Variants in RIGI observed in about 807,000 individuals in gnomAD.
RIGI encodes antiviral innate immune response receptor RIG-I.
the RIGI span, among the ~76,000 whole-genome samples, chr9:32,517,786 T>G: frequency 6.6e-6 from 1 of 152,202 alleles, no homozygotes; most frequent in African/African-American, 2.4e-5. Flanking sequence ...GTTATTTAGG[T>G]GAACACCTGA....
the RIGI span, among the ~76,000 whole-genome samples, chr9:32,478,041 G>GTTTTTTTTT: frequency 6.6e-6 from 1 of 151,364 alleles, no homozygotes; most frequent in African/African-American, 2.5e-5. Flanking sequence ...TGTTTTATCG[G>GTTTTTTTTT]TTTTTGTTTT....
the RIGI span, chr9:32,492,564 G>T: frequency 6.2e-7 from 1 of 1,612,144 alleles, no homozygotes; most frequent in South Asian, 1.1e-5. Context: ...GTAGTTTATT[G>T]ATCAATTATC....
At chr9:32,514,392 G>A in the RIGI span, among the ~76,000 whole-genome samples, 1 of 152,136 alleles carries the variant, frequency 6.6e-6, no homozygotes, top group Non-Finnish European at 1.5e-5. Flanking sequence ...ATACTACGCA[G>A]CCATAAAAAA....
the RIGI span, among the ~76,000 whole-genome samples, chr9:32,520,937 C>T: frequency 6.6e-6 from 1 of 151,628 alleles, no homozygotes; most frequent in Non-Finnish European, 1.5e-5. Context: ...GCTGAGGCCA[C>T]GAGTTGGAGA....
At chr9:32,521,636 C>G in the RIGI span, among the ~76,000 whole-genome samples, 1 of 152,104 alleles carries the variant, frequency 6.6e-6, no homozygotes, top group East Asian at 1.9e-4. Flanking sequence ...AATTCCAATA[C>G]AGACAGACAT....
chr9:32,463,966 A>G, the RIGI span, among the ~76,000 whole-genome samples: 4 of 150,186 alleles, frequency 2.7e-5, no homozygotes, highest in South Asian at 4.3e-4. Flanking sequence ...CAAATCCTGA[A>G]GCGTCCACCA....
At chr9:32,495,520 A>C in the RIGI span, among the ~76,000 whole-genome samples, 33 of 127,120 alleles carry the variant, frequency 2.6e-4, no homozygotes, top group African/African-American at 8.9e-4. Context: ...TTTTTATAGA[A>C]GCCATTGTAA....
chr9:32,485,387 A>C, the RIGI span: 1 of 771,520 alleles, frequency 1.3e-6, no homozygotes, highest in African/African-American at 1.7e-5. Context: ...TCTGCCTTTG[A>C]TACTTCCTCT....
chr9:32,468,581 A>C, the RIGI span, among the ~76,000 whole-genome samples: 1 of 152,026 alleles, frequency 6.6e-6, no homozygotes, highest in Non-Finnish European at 1.5e-5. Flanking sequence ...TAAGAGAATC[A>C]CCTGAGCTGG....
At chr9:32,501,713 T>C in the RIGI span, among the ~76,000 whole-genome samples, 2 of 152,176 alleles carry the variant, frequency 1.3e-5, no homozygotes, top group African/African-American at 4.8e-5. Flanking sequence ...GGAATGCAAA[T>C]TCCAAGGGAG....
At chr9:32,477,727 C>A in the RIGI span, among the ~76,000 whole-genome samples, 3,712 of 152,072 alleles carry the variant, frequency 0.024, 164 homozygotes, top group African/African-American at 0.086. Context: ...GGGTTCAAGA[C>A]CAGACTGGTC....
chr9:32,462,384 A>T, the RIGI span, among the ~76,000 whole-genome samples: 10 of 147,850 alleles, frequency 6.8e-5, no homozygotes, highest in East Asian at 1.8e-3. Context: ...TGCTTTATAT[A>T]AAAAAAAAAT....
the RIGI span, among the ~76,000 whole-genome samples, chr9:32,520,733 C>T: frequency 2.6e-5 from 4 of 152,162 alleles, no homozygotes; most frequent in African/African-American, 7.2e-5. Flanking sequence ...GTCTGGGCCC[C>T]TGTGTCATAA....
At chr9:32,470,366 A>C in the RIGI span, among the ~76,000 whole-genome samples, 3 of 152,364 alleles carry the variant, frequency 2.0e-5, no homozygotes, top group African/African-American at 7.2e-5. Context: ...ATGCTGTCTC[A>C]GCTACCCAAC....
the RIGI span, chr9:32,456,889 G>A: frequency 2.1e-6 from 1 of 475,420 alleles, no homozygotes; most frequent in East Asian, 3.6e-5. Context: ...GGCTAGAAAT[G>A]AGGCTTTTTA....
At chr9:32,494,976 C>T in the RIGI span, among the ~76,000 whole-genome samples, 3 of 152,170 alleles carry the variant, frequency 2.0e-5, no homozygotes, top group East Asian at 5.8e-4. Context: ...AATAATGCTA[C>T]TATCAACATG....
the RIGI span, among the ~76,000 whole-genome samples, chr9:32,462,861 A>G: frequency 2.0e-5 from 3 of 152,322 alleles, no homozygotes; most frequent in African/African-American, 7.2e-5. Flanking sequence ...TGATTTAAAA[A>G]AACAAATATA....
the RIGI span, chr9:32,492,471 T>C: frequency 1.9e-6 from 3 of 1,614,206 alleles, no homozygotes; most frequent in Non-Finnish European, 2.5e-6. Context: ...CCAGTTTTCC[T>C]TGTCTGATCT....
chr9:32,499,872 A>G, the RIGI span, among the ~76,000 whole-genome samples: 1 of 152,094 alleles, frequency 6.6e-6, no homozygotes, highest in Non-Finnish European at 1.5e-5. Context: ...CTCCTGCCTC[A>G]GCCTCCTGAG....
Sources: allele counts gnomAD v4.1 joint callset (sites outside exome capture counted in the v4.1 genomes callset), GRCh38; gene constraint gnomAD v4.1.1; transcripts MANE v1.5; gene names NCBI Gene and HGNC (gene_info 2026-07-23, HGNC 2026-07-21).